TCF4: variants seen among roughly 807,000 people sequenced by gnomAD.
The protein encoded by TCF4 is transcription factor 4, also known as SL3-3 enhancer factor 2.
A neutral mutation model predicts 82.1 loss-of-function variants in TCF4; 3 were observed. The observed-to-expected ratio is 0.04, with a 90% CI of 0.02 to 0.09. The LOEUF (loss-of-function observed/expected upper bound fraction) is 0.09. TCF4 is among the 10% of genes least tolerant of loss of function. TCF4 has a pLI of 1.00. For synonymous variants in TCF4, 276 were observed against 309.6 expected, an observed-to-expected ratio of 0.89 and a Z score of 1.14; for missense variants, 518 against 852.7, an observed-to-expected ratio of 0.61 and a Z score of 4.89.
At chr18:55,572,229 A>G (rs1052079372) in intron 3 of TCF4, among the ~76,000 whole-genome samples, 3 of 152,228 alleles carry the variant, frequency 2.0e-5, no homozygotes, top group Non-Finnish European at 4.4e-5. Context: ...CCATGCCCAC[A>G]GTATTACCCC....
At chr18:55,266,994 G>T (rs2059329195) in intron 11 of TCF4, 1 of 152,090 alleles carries the variant, frequency 6.6e-6, no homozygotes, top group East Asian at 1.9e-4. Context: ...TGAGACGAAG[G>T]GCAGCAGCCC....
At chr18:55,260,391 T>C (rs1041329375) in intron 12 of TCF4, among the ~76,000 whole-genome samples, 3 of 152,202 alleles carry the variant, frequency 2.0e-5, no homozygotes, top group African/African-American at 7.2e-5. Context: ...TAAGATATTT[T>C]GCCACTCTTT....
chr18:55,399,991 C>T (rs1330826115), intron 6 of TCF4, among the ~76,000 whole-genome samples: 1 of 150,312 alleles, frequency 6.7e-6, no homozygotes, highest in East Asian at 2.0e-4. Context: ...ACAAACAATT[C>T]CTGATAATCA....
Position 55,361,247 on chromosome 18 carries a change from A to G in TCF4, c.370-10244T>C, listed in dbSNP as rs574522476. Among the ~76,000 whole-genome samples the G allele has an allele frequency of 3.9e-5, 6 of 152,116 alleles. No individual in the cohort carries two copies. The East Asian group carries it at 1.2e-3, about 29-fold the overall frequency. ...GGAGACCAAACTTCAGAGCTTGAAA[A>G]TGCTGAGCCCCCAGCTCCACCCATA... On this transcript the variant is annotated intron_variant, in intron 6 of 19. Transcript: ENST00000354452.
At chr18:55,476,767 C>T (rs2096298092) in intron 3 of TCF4, among the ~76,000 whole-genome samples, 1 of 152,164 alleles carries the variant, frequency 6.6e-6, no homozygotes, top group South Asian at 2.1e-4. Flanking sequence ...CATGCCCAGC[C>T]TACAGCCCTT....
chr18:55,276,275 G>A (rs1282120928), intron 9 of TCF4, among the ~76,000 whole-genome samples: 1 of 152,000 alleles, frequency 6.6e-6, no homozygotes, highest in East Asian at 1.9e-4. Flanking sequence ...TTATATTACG[G>A]CATGCAGAGA....
chr18:55,581,292 A>G (rs992039427), intron 3 of TCF4, among the ~76,000 whole-genome samples: 2 of 151,978 alleles, frequency 1.3e-5, no homozygotes, highest in African/African-American at 2.4e-5. Context: ...TTTTTAAAAT[A>G]ACAAATAAGA....
intron 3 of TCF4, among the ~76,000 whole-genome samples, chr18:55,581,102 A>C (rs1344052097): frequency 6.6e-6 from 1 of 151,904 alleles, no homozygotes; most frequent in African/African-American, 2.4e-5. Flanking sequence ...TCAGCTCCAA[A>C]CCTAAAAAAG....
intron 3 of TCF4, among the ~76,000 whole-genome samples, chr18:55,566,745 G>A (rs1393362959): frequency 1.3e-5 from 2 of 152,064 alleles, no homozygotes; most frequent in African/African-American, 2.4e-5. Flanking sequence ...ATGAAGGACA[G>A]AAAAGAAGGT....
intron 8 of TCF4, among the ~76,000 whole-genome samples, chr18:55,296,109 T>G (rs2066435854): frequency 1.5e-5 from 2 of 131,042 alleles, no homozygotes; most frequent in African/African-American, 5.3e-5. Flanking sequence ...ATTAAAGTGT[T>G]TTTTTTTTTT....
chr18:55,499,422 C>A (rs1223310779), intron 3 of TCF4, among the ~76,000 whole-genome samples: 1 of 152,158 alleles, frequency 6.6e-6, no homozygotes, highest in African/African-American at 2.4e-5. Flanking sequence ...GTGTGTGTGG[C>A]TAGGGAGGCA....
intron 3 of TCF4, among the ~76,000 whole-genome samples, chr18:55,521,593 C>T (rs1278737118): frequency 6.6e-6 from 1 of 152,214 alleles, no homozygotes; most frequent in East Asian, 1.9e-4. Flanking sequence ...AGCTTCCCCA[C>T]AGTGAGTTGA....
intron 3 of TCF4, among the ~76,000 whole-genome samples, chr18:55,542,481 T>A (rs2097172555): frequency 6.6e-6 from 1 of 151,738 alleles, no homozygotes; most frequent in Admixed American, 6.6e-5. Flanking sequence ...TACAAATGAG[T>A]CAACCAAGAA....
chr18:55,486,101 AC>A (rs2096510687), intron 3 of TCF4, among the ~76,000 whole-genome samples: 1 of 152,242 alleles, frequency 6.6e-6, no homozygotes, highest in Non-Finnish European at 1.5e-5. Context: ...TTCTGTTTGT[AC>A]CTCTTCAAAT....
At chr18:55,333,633 C>G (rs2078029722) in intron 8 of TCF4, among the ~76,000 whole-genome samples, 1 of 152,128 alleles carries the variant, frequency 6.6e-6, no homozygotes, top group Non-Finnish European at 1.5e-5. Context: ...TGTTGGCATT[C>G]ACAGCACTTC....
At chr18:55,519,616 A>G (rs2060888) in intron 3 of TCF4, among the ~76,000 whole-genome samples, 15,950 of 152,180 alleles carry the variant, frequency 0.1, 1,221 homozygotes, top group East Asian at 0.43. Context: ...ATGTAAATTC[A>G]TAATATGGAG....
chr18:55,529,968 A>T (rs985210064), intron 3 of TCF4, among the ~76,000 whole-genome samples: 2 of 152,170 alleles, frequency 1.3e-5, no homozygotes, highest in African/African-American at 4.8e-5. Context: ...GCACGCAAGC[A>T]GAGACTGCTG....
At chr18:55,526,557 T>A (rs1237949295) in intron 3 of TCF4, among the ~76,000 whole-genome samples, 1 of 152,118 alleles carries the variant, frequency 6.6e-6, no homozygotes, top group Non-Finnish European at 1.5e-5. Flanking sequence ...TGACACCACA[T>A]GGGGCAAGAT....
chr18:55,467,304 T>G (rs2096051602), intron 3 of TCF4, among the ~76,000 whole-genome samples: 2 of 151,810 alleles, frequency 1.3e-5, no homozygotes, highest in Admixed American at 1.3e-4. Flanking sequence ...GCCTGCCCCT[T>G]AGTTAGCATT....
Sources: allele counts gnomAD v4.1 joint callset (sites outside exome capture counted in the v4.1 genomes callset), GRCh38; gene constraint gnomAD v4.1.1; transcripts MANE v1.5; gene names NCBI Gene and HGNC (gene_info 2026-07-23, HGNC 2026-07-21).